AADACL4: variants seen among roughly 807,000 people sequenced by gnomAD.
The protein encoded by AADACL4 is arylacetamide deacetylase like 4.
Under a neutral mutation model 14.1 loss-of-function variants are expected in AADACL4, and 9 were observed. The observed-to-expected ratio is 0.64, with a 90% CI of 0.39 to 1.12. The LOEUF (loss-of-function observed/expected upper bound fraction) is 1.12, where lower values mean the gene tolerates loss of function less well. Ranked by LOEUF, AADACL4 falls within the 50% of genes most tolerant of loss-of-function variation. The pLI is 0.01. For synonymous variants in AADACL4, 188 were observed against 201.6 expected, an observed-to-expected ratio of 0.93 and a Z score of 0.57; for missense variants, 531 against 516.1, an observed-to-expected ratio of 1.03 and a Z score of -0.28.
At chr1:12,657,395 C>T (rs145684038) in intron 2 of AADACL4, among the ~76,000 whole-genome samples, 253 of 152,118 alleles carry the variant, frequency 1.7e-3, no homozygotes, top group African/African-American at 5.3e-3. Flanking sequence ...AAAATGGGAG[C>T]GATGATGTTC....
At chr1:12,661,419 CTTGT>C (rs1647227426) in intron 2 of AADACL4, among the ~76,000 whole-genome samples, 2 of 152,266 alleles carry the variant, frequency 1.3e-5, no homozygotes, top group South Asian at 2.1e-4. Context: ...CCGTCCAACC[CTTGT>C]TTATTTCTTG....
intron 3 of AADACL4, among the ~76,000 whole-genome samples, chr1:12,663,681 A>G (rs1427615676): frequency 6.6e-6 from 1 of 152,110 alleles, no homozygotes; most frequent in Non-Finnish European, 1.5e-5. Flanking sequence ...GAAAGTACCT[A>G]ATATTTGTTA....
intron 2 of AADACL4, among the ~76,000 whole-genome samples, chr1:12,660,404 T>C (rs2100767790): frequency 1.3e-5 from 2 of 152,306 alleles, no homozygotes; most frequent in Middle Eastern, 6.8e-3. Context: ...TACCTCACCC[T>C]AGTCCTGGCC....
rs564890757 is a variant in AADACL4, at chr1:12,647,708, T to C, written c.168+2994T>C. 2.0e-5 allele frequency among the ~76,000 whole-genome samples: 3 copies of C among 151,956 alleles called. No individual in the cohort carries two copies. The South Asian group carries it at 6.2e-4, about 32-fold the overall frequency. On this transcript the variant is annotated intron_variant, in intron 1 of 3. Coordinates refer to ENST00000376221, the MANE Select transcript of AADACL4 (RefSeq NM_001013630.2). ...CAGTCTCTTACCATGTAGGCTGAAG[T>C]GCAGTGGCACAATCATGGCTTACTG... is the stretch of plus-strand genomic sequence containing the variant.
chr1:12,666,788 AC>A lies in AADACL4; in HGVS notation c.*55del. ...GGGGCAAGTATGGACTCTACCAGAA[AC>A]CGGGTGCTTTAGTGAGTTCTATTTT... On this transcript the variant is annotated 3_prime_UTR_variant, in exon 4 of 4. Coordinates refer to ENST00000376221, the MANE Select transcript of AADACL4 (RefSeq NM_001013630.2). The A allele has an allele frequency of 2.7e-6, 4 of 1,508,076 alleles. No individual in the cohort carries two copies. The highest frequency in any genetic ancestry group is 3.5e-6 in the Non-Finnish European group (4 of 1,130,356). The allele number at this position is 1,508,076 out of a possible 1,614,324, so 93.4% of individuals were successfully genotyped here. A position where few individuals can be genotyped will look rare whatever the true frequency, so the allele number is the denominator to read the frequency against.
chr1:12,665,897 T>C, intron 3 of AADACL4, 64 bp from the exon 4 acceptor site: 2 of 1,499,046 alleles, frequency 1.3e-6, no homozygotes, highest in Non-Finnish European at 1.8e-6. Flanking sequence ...GAGGATTCTG[T>C]TGAAACAGCT....
rs749533019 is a variant in AADACL4, at chr1:12,651,202, A to C, written c.248A>C (p.Lys83Thr). ...RFLHDSVRIKKDPELVVTDLR... is the reference protein window; with the variant it reads ...RFLHDSVRIKTDPELVVTDLR... ...TTACATGATAGCGTGAGAATTAAAA[A>C]GGACCCTGAACTTGTGGTGACCGAC... The change falls in exon 2 of 4, where the codon AAG (lysine) becomes ACG (threonine). Residue 83 changes from lysine (K) to threonine (T), a missense_variant. By Grantham distance (78) the Lys-to-Thr change is moderately conservative (BLOSUM62 -1). Coordinates refer to ENST00000376221, the MANE Select transcript of AADACL4 (RefSeq NM_001013630.2). 4 of 1,614,266 alleles carry C rather than the reference A, an allele frequency of 2.5e-6. No individual in the cohort carries two copies. Among genetic ancestry groups the C allele is most frequent in the Non-Finnish European group, 3.4e-6 (4 of 1,180,046 alleles).
At chr1:12,659,679 G>A (rs564710055) in intron 2 of AADACL4, among the ~76,000 whole-genome samples, 1 of 152,320 alleles carries the variant, frequency 6.6e-6, no homozygotes, top group South Asian at 2.1e-4. Context: ...ATCTTGCTCT[G>A]TCACCCAGGA....
intron 1 of AADACL4, among the ~76,000 whole-genome samples, chr1:12,647,844 G>C (rs1647120804): frequency 6.6e-6 from 1 of 152,012 alleles, no homozygotes; most frequent in Non-Finnish European, 1.5e-5. Flanking sequence ...TTTTTGTAGA[G>C]ACCAGGTTTT....
intron 1 of AADACL4, among the ~76,000 whole-genome samples, chr1:12,647,008 C>T (rs1647115952): frequency 1.3e-5 from 2 of 152,144 alleles, no homozygotes; most frequent in Admixed American, 1.3e-4. Context: ...TATCAGACCA[C>T]CCTCTGAGCC....
rs148090511 is a variant in AADACL4, at chr1:12,651,230, G to A, written c.276G>A (p.Leu92=). The part of the protein sequence containing the change: ...KKDPELVVTD[L]RFGTIPVRLF... The stretch of plus-strand genomic sequence containing the variant: ...ACCCTGAACTTGTGGTGACCGACCT[G>A]CGTTTTGGGACGATACCCGTGAGGC... Residue 92 remains leucine, a synonymous_variant, in exon 2 of 4, where the codon CTG becomes CTA. Transcript: ENST00000376221. The A allele has an allele frequency of 6.8e-6, 11 of 1,614,102 alleles. No homozygotes were observed. The highest frequency in any genetic ancestry group is 5.0e-5 in the Admixed American group (3 of 60,004).
rs959542639 is a variant in AADACL4, at chr1:12,661,926, T to C, written c.449+72T>C. 14 of 1,513,212 alleles carry C rather than the reference T, an allele frequency of 9.3e-6. No homozygotes were observed. The African/African-American group carries it at 1.8e-4, about 19-fold the overall frequency. 93.7% of individuals were successfully genotyped at this position (1,513,212 alleles called of 1,614,324 possible). On this transcript the variant is annotated intron_variant, in intron 3 of 3. Transcript: ENST00000376221. Reference sequence around the variant, plus strand: ...ATAGGGTAAGTTCATGGGTGATTTGTAGATCAGAGAGGCCCTAACTCCCAA... The same window carrying C: ...ATAGGGTAAGTTCATGGGTGATTTGCAGATCAGAGAGGCCCTAACTCCCAA...
intron 1 of AADACL4, among the ~76,000 whole-genome samples, chr1:12,649,431 C>T (rs980856520): frequency 6.6e-6 from 1 of 152,134 alleles, no homozygotes. Flanking sequence ...AGCTCACAGC[C>T]GAGCAGGTGA....
At position 12,666,408 on chromosome 1, in the gene AADACL4, C is replaced by T. The variant is rs372015524; in HGVS notation, c.897C>T (p.Tyr299=). ...CCAAGAAATTTAAGAACAGAGGCTACCAACCCTGGTCTCCCGGCCCTTTTA... is the reference window on the plus strand; with the variant it reads ...CCAAGAAATTTAAGAACAGAGGCTATCAACCCTGGTCTCCCGGCCCTTTTA... ...NIPKKFKNRG[Y]QPWSPGPFNE... is the part of the protein sequence containing the mutation. Residue 299 remains tyrosine, a synonymous_variant, in exon 4 of 4, where the codon TAC becomes TAT. Transcript: ENST00000376221. 1.2e-6 allele frequency: 2 copies of T among 1,614,142 alleles called. No individual in the cohort carries two copies. The highest frequency in any genetic ancestry group is 1.7e-6 in the Non-Finnish European group (2 of 1,180,036).
chr1:12,654,166 A>C (rs564903716), intron 2 of AADACL4, among the ~76,000 whole-genome samples: 1 of 152,328 alleles, frequency 6.6e-6, no homozygotes, highest in East Asian at 1.9e-4. Context: ...TATTTGGGTA[A>C]ATACGGTATA....
At chr1:12,644,786 C>T (rs1647099581) in intron 1 of AADACL4, 72 bp downstream of exon 1, 11 of 1,471,910 alleles carry the variant, frequency 7.5e-6, no homozygotes, top group Non-Finnish European at 1.0e-5. Flanking sequence ...ACCCTCTTTT[C>T]CCTCTTTCAC....
chr1:12,660,139 G>A (rs1647215096), intron 2 of AADACL4, among the ~76,000 whole-genome samples: 1 of 152,108 alleles, frequency 6.6e-6, no homozygotes, highest in Admixed American at 6.6e-5. Flanking sequence ...ACAGAGACGG[G>A]GTCTTGCTAT....
At chr1:12,652,768 C>T (rs1003060484) in intron 2 of AADACL4, among the ~76,000 whole-genome samples, 5 of 152,164 alleles carry the variant, frequency 3.3e-5, no homozygotes, top group Non-Finnish European at 7.4e-5. Flanking sequence ...TGTCCTGTCG[C>T]TGGTGGGTGT....
intron 2 of AADACL4, among the ~76,000 whole-genome samples, chr1:12,652,831 C>T (rs1647157689): frequency 1.3e-5 from 2 of 152,170 alleles, no homozygotes. Context: ...AGCCCAGGTC[C>T]AATCCAGTGC....
Sources: allele counts gnomAD v4.1 joint callset (sites outside exome capture counted in the v4.1 genomes callset), GRCh38; gene constraint gnomAD v4.1.1; transcripts MANE v1.5; gene names NCBI Gene and HGNC (gene_info 2026-07-23, HGNC 2026-07-21).